The following ZNF260 variants were observed in gnomAD, a reference collection of about 807,000 sequenced individuals.
ZNF260 encodes the protein zinc finger protein 260, also known as zfp-260.
ZNF260 carries 21 observed loss-of-function variants against 29.3 expected under a neutral mutation model. The observed-to-expected ratio is 0.72, with a 90% CI of 0.51 to 1.03. The LOEUF is 1.03. ZNF260 is among the 50% of genes least tolerant of loss of function. ZNF260 has a pLI of 0.00. For synonymous variants in ZNF260, 156 were observed against 156.8 expected (o/e 0.99, Z 0.04); for missense variants, 465 against 487.8 (o/e 0.95, Z 0.44).
intron 2 of ZNF260, among the ~76,000 whole-genome samples, chr19:36,519,323 TACCAGTCA>T (rs1239021381): frequency 6.6e-6 from 1 of 152,178 alleles, no homozygotes; most frequent in Non-Finnish European, 1.5e-5. Context: ...TCATTTGGTT[TACCAGTCA>T]ACAATGCTTA....
At chr19:36,520,521 G>A (rs369340697) in intron 2 of ZNF260, among the ~76,000 whole-genome samples, 4 of 152,180 alleles carry the variant, frequency 2.6e-5, no homozygotes, top group African/African-American at 9.6e-5. Flanking sequence ...AAATAGGGCT[G>A]GGTGTGGTGG....
At chr19:36,518,509 G>C (rs567441300) in intron 2 of ZNF260, among the ~76,000 whole-genome samples, 2 of 152,182 alleles carry the variant, frequency 1.3e-5, no homozygotes, top group South Asian at 4.2e-4. Context: ...CAGTATGTTG[G>C]GGAAAGAAAG....
intron 2 of ZNF260, among the ~76,000 whole-genome samples, chr19:36,516,268 A>G (rs891491267): frequency 1.3e-5 from 2 of 152,168 alleles, no homozygotes; most frequent in African/African-American, 2.4e-5. Context: ...TTGCTTTTCA[A>G]TGTAACCCAG....
intron 1 of ZNF260, among the ~76,000 whole-genome samples, chr19:36,526,874 A>G (rs769969968): frequency 6.6e-6 from 1 of 152,252 alleles, no homozygotes; most frequent in African/African-American, 2.4e-5. Context: ...ACCTTGGTTT[A>G]CAATTTGTAA....
At position 36,514,907 on chromosome 19, in the gene ZNF260, T is replaced by A; in HGVS notation, c.332A>T (p.Tyr111Phe). ...CTGAATAGAAACTTTTTCACATTCA[T>A]AAGGTTTCTCTCCAGTGTGATGTTT... ...HQKHHTGEKP[Y>F]ECEKVSIQMP... The change falls in exon 3 of 3, where the codon TAT (tyrosine) becomes TTT (phenylalanine). Residue 111 changes from tyrosine to phenylalanine, a missense_variant. Tyr to Phe is a conservative substitution (Grantham distance 22, BLOSUM62 3). Coordinates refer to ENST00000523638, the MANE Select transcript of ZNF260 (RefSeq NM_001166037.2). 2 of 1,614,156 alleles carry A rather than the reference T, an allele frequency of 1.2e-6. No individual in the cohort carries two copies. Among genetic ancestry groups the A allele is most frequent in the Non-Finnish European group, 1.7e-6 (2 of 1,180,018 alleles).
intron 2 of ZNF260, among the ~76,000 whole-genome samples, chr19:36,522,995 G>A (rs1005442529): frequency 1.3e-5 from 2 of 152,108 alleles, no homozygotes; most frequent in African/African-American, 4.8e-5. Flanking sequence ...TCACCAGCCT[G>A]GACCTCTCTC....
chr19:36,525,997 A>T (rs921528114), intron 1 of ZNF260, among the ~76,000 whole-genome samples: 7 of 152,146 alleles, frequency 4.6e-5, no homozygotes, highest in African/African-American at 1.7e-4. Context: ...ATTTTTCCCC[A>T]TAACACTTTT....
intron 2 of ZNF260, among the ~76,000 whole-genome samples, chr19:36,519,697 C>T (rs562577314): frequency 1.3e-5 from 2 of 151,910 alleles, no homozygotes; most frequent in East Asian, 3.9e-4. Context: ...AATACTCTGA[C>T]CAAAAAAACA....
intron 2 of ZNF260, among the ~76,000 whole-genome samples, chr19:36,518,763 C>T (rs2034593588): frequency 6.6e-6 from 1 of 152,138 alleles, no homozygotes; most frequent in Non-Finnish European, 1.5e-5. Flanking sequence ...GTACAAAGAA[C>T]ATTCCATTTA....
chr19:36,516,226 C>A (rs997920061), intron 2 of ZNF260, among the ~76,000 whole-genome samples: 2 of 152,136 alleles, frequency 1.3e-5, no homozygotes, highest in African/African-American at 4.8e-5. Context: ...AGTTCAAATA[C>A]AAATAACATT....
At chr19:36,521,813 G>A (rs2034650683) in intron 2 of ZNF260, among the ~76,000 whole-genome samples, 1 of 151,542 alleles carries the variant, frequency 6.6e-6, no homozygotes, top group Non-Finnish European at 1.5e-5. Context: ...ACTTTGGGAG[G>A]TGGAGGCAGG....
intron 2 of ZNF260, 26 bp from the exon 3 acceptor site, chr19:36,515,725 A>C (rs1412332805): frequency 1.9e-5 from 3 of 155,196 alleles, no homozygotes; most frequent in Non-Finnish European, 2.9e-5. Flanking sequence ...AAAAAATCAT[A>C]ATTGAAAAAG....
chr19:36,519,306 T>C (rs2034602746), intron 2 of ZNF260, among the ~76,000 whole-genome samples: 1 of 152,152 alleles, frequency 6.6e-6, no homozygotes. Context: ...AACAGAGTCA[T>C]AGAAAATCAT....
rs534010493 is a variant in ZNF260, at chr19:36,525,297, A to G, written c.-604T>C. On this transcript the variant is annotated 5_prime_UTR_variant, in exon 2 of 3. Coordinates refer to ENST00000523638, the MANE Select transcript of ZNF260 (RefSeq NM_001166037.2). ...GGATGTTATGGTTGGGGAACAAAGC[A>G]GCATCCCAAAATTCAGGGAGCGCCC... is the stretch of plus-strand genomic sequence containing the variant. 6.6e-6 allele frequency: 1 copy of G among 152,348 alleles called. No individual in the cohort carries two copies. Among genetic ancestry groups the G allele is most frequent in the East Asian group, 1.9e-4 (1 of 5,190 alleles). The allele number at this position is 152,348 out of a possible 1,614,324, so 9.4% of individuals were successfully genotyped here.
chr19:36,519,043 A>AG (rs1433330808), intron 2 of ZNF260, among the ~76,000 whole-genome samples: 1 of 152,140 alleles, frequency 6.6e-6, no homozygotes, highest in African/African-American at 2.4e-5. Flanking sequence ...CAAAAAAAAA[A>AG]AATCCTAAAT....
chr19:36,519,231 T>C (rs1162958146), intron 2 of ZNF260, among the ~76,000 whole-genome samples: 2 of 152,070 alleles, frequency 1.3e-5, no homozygotes, highest in African/African-American at 2.4e-5. Flanking sequence ...AATGGAAAAC[T>C]AAGCAAACAA....
chr19:36,527,181 A>T (rs1380033857), intron 1 of ZNF260, among the ~76,000 whole-genome samples: 1 of 152,230 alleles, frequency 6.6e-6, no homozygotes, highest in East Asian at 1.9e-4. Context: ...CATGGATGGC[A>T]GTGTAATGTT....
intron 2 of ZNF260, among the ~76,000 whole-genome samples, chr19:36,515,923 G>A (rs1323577927): frequency 6.6e-6 from 1 of 151,606 alleles, no homozygotes; most frequent in Non-Finnish European, 1.5e-5. Flanking sequence ...CCAGGCTGGA[G>A]GGCAATGGCG....
chr19:36,525,971 C>T (rs2034726933), intron 1 of ZNF260, among the ~76,000 whole-genome samples: 1 of 152,112 alleles, frequency 6.6e-6, no homozygotes, highest in Admixed American at 6.6e-5. Context: ...TGAGTGAAGT[C>T]ACATCTTTGC....
Sources: allele counts gnomAD v4.1 joint callset (sites outside exome capture counted in the v4.1 genomes callset), GRCh38; gene constraint gnomAD v4.1.1; transcripts MANE v1.5; gene names NCBI Gene and HGNC (gene_info 2026-07-23, HGNC 2026-07-21).